Variants in ETV7 observed in about 807,000 individuals in gnomAD.
ETV7 encodes the protein ETS variant transcription factor 7, also known as transcription factor ETV7.
In ETV7, 43 loss-of-function variants were observed where a neutral mutation model predicts 39.1. That is an observed-to-expected ratio of 1.10 (90% CI 0.86 to 1.42). The LOEUF is 1.42. Ranked by LOEUF, ETV7 falls within the 40% of genes most tolerant of loss-of-function variation. The probability of loss-of-function intolerance (pLI) is 0.00; values close to 1 mark genes in which losing one functional copy is unlikely to be tolerated. For synonymous variants in ETV7, 196 were observed against 176.6 expected (o/e 1.11, Z -0.87); for missense variants, 432 against 442.3 (o/e 0.98, Z 0.21).
Position 36,366,915 on chromosome 6 carries a change from T to G in ETV7, c.868A>C (p.Asn290His). The change falls in exon 7 of 8, where the codon AAT (asparagine) becomes CAT (histidine). Residue 290 changes from asparagine to histidine, a missense_variant. Physicochemically the swap from Asn to His is moderately conservative, Grantham distance 68. Coordinates refer to ENST00000340181, the MANE Select transcript of ETV7 (RefSeq NM_016135.4). ...SRALRHYYKL[N>H]IIKKEPGQKL... is the part of the protein sequence containing the mutation. Reference sequence around the variant, plus strand: ...TGCCCCGGTTCCTTCTTAATGATATTAAGCTTATAATAGTGGCGCAGGGCA... The same window carrying G: ...TGCCCCGGTTCCTTCTTAATGATATGAAGCTTATAATAGTGGCGCAGGGCA... 6.2e-7 allele frequency: 1 copy of G among 1,613,998 alleles called. No individual in the cohort carries two copies. Among genetic ancestry groups the G allele is most frequent in the Non-Finnish European group, 8.5e-7 (1 of 1,179,990 alleles).
chr6:36,357,273 T>C (rs1772365741), intron 7 of ETV7, among the ~76,000 whole-genome samples: 1 of 152,098 alleles, frequency 6.6e-6, no homozygotes, highest in Non-Finnish European at 1.5e-5. Context: ...GCACAGAAGC[T>C]GCAGCCTTAA....
intron 7 of ETV7, among the ~76,000 whole-genome samples, chr6:36,357,444 C>T (rs1353539817): frequency 6.6e-6 from 1 of 152,152 alleles, no homozygotes; most frequent in Non-Finnish European, 1.5e-5. Context: ...CTCCTGGCCA[C>T]AGAGCAGGAT....
At chr6:36,361,103 C>T (rs981980157) in intron 7 of ETV7, among the ~76,000 whole-genome samples, 18 of 152,134 alleles carry the variant, frequency 1.2e-4, no homozygotes, top group African/African-American at 4.3e-4. Context: ...CAAAAGGATT[C>T]GGGACTTTAA....
At chr6:36,366,178 AT>A (rs1172079297), downstream of ETV7, 45 of 1,001,016 alleles carry the variant, frequency 4.5e-5, no homozygotes, top group Non-Finnish European at 5.2e-5. Context: ...TCTCAAAAAA[AT>A]AAAAGAAAGA....
At chr6:36,385,751 T>G in intron 1 of ETV7, 82 bp from the exon 2 acceptor site, 1 of 1,483,996 alleles carries the variant, frequency 6.7e-7, no homozygotes, top group Admixed American at 2.3e-5. Context: ...AAGAATTTTT[T>G]TGGAAGGGAA....
intron 7 of ETV7, among the ~76,000 whole-genome samples, chr6:36,360,410 A>G (rs1291474702): frequency 6.6e-6 from 1 of 152,192 alleles, no homozygotes; most frequent in Non-Finnish European, 1.5e-5. Context: ...CCTGTGGGTT[A>G]GGAGAGGAGG....
chr6:36,376,315 A>G (rs950017509), intron 2 of ETV7, among the ~76,000 whole-genome samples: 2 of 152,212 alleles, frequency 1.3e-5, no homozygotes, highest in African/African-American at 4.8e-5. Flanking sequence ...TTTTCCAATC[A>G]TTCATTCAAC....
At chr6:36,374,313 C>T (rs898770747) in intron 3 of ETV7, among the ~76,000 whole-genome samples, 3 of 151,784 alleles carry the variant, frequency 2.0e-5, no homozygotes, top group East Asian at 1.9e-4. Context: ...GCTGTGTTCA[C>T]GCCACCAAAC....
intron 3 of ETV7, 60 bp downstream of exon 3, chr6:36,375,811 T>C (rs1773297228): frequency 3.1e-6 from 5 of 1,610,940 alleles, no homozygotes; most frequent in Non-Finnish European, 4.2e-6. Context: ...CCGGGGGTAC[T>C]TGGGCCATCC....
At chr6:36,387,181 T>G (rs2127406432) in intron 1 of ETV7, among the ~76,000 whole-genome samples, 1 of 151,560 alleles carries the variant, frequency 6.6e-6, no homozygotes, top group East Asian at 1.9e-4. Flanking sequence ...CCTGCGAGAA[T>G]GCGTTCACCA....
At chr6:36,386,691 C>G (rs571148313) in intron 1 of ETV7, 1 of 152,278 alleles carries the variant, frequency 6.6e-6, no homozygotes, top group Non-Finnish European at 1.5e-5. Flanking sequence ...GCAAAGCAAA[C>G]TCCAGAAGCC....
intron 7 of ETV7, among the ~76,000 whole-genome samples, chr6:36,360,080 A>T (rs561338903): frequency 4.5e-4 from 68 of 152,204 alleles, no homozygotes; most frequent in African/African-American, 1.6e-3. Context: ...TTTAGTAGAG[A>T]CGGAGTTTCA....
chr6:36,385,850 C>G (rs1745886442), intron 1 of ETV7, among the ~76,000 whole-genome samples, 181 bp from the exon 2 acceptor site: 1 of 152,064 alleles, frequency 6.6e-6, no homozygotes, highest in Non-Finnish European at 1.5e-5. Flanking sequence ...CATTTTGTAC[C>G]CAGTGGACAC....
intron 2 of ETV7, among the ~76,000 whole-genome samples, chr6:36,376,646 T>C (rs556352334): frequency 1.1e-4 from 16 of 152,190 alleles, no homozygotes; most frequent in East Asian, 1.9e-4. Context: ...CATGGTGGCA[T>C]GCACCTGTAG....
chr6:36,358,349 C>G (rs904483564), intron 7 of ETV7, among the ~76,000 whole-genome samples: 3 of 152,254 alleles, frequency 2.0e-5, no homozygotes, highest in African/African-American at 7.2e-5. Flanking sequence ...GCTGCTGGCT[C>G]TAGTTCAGGT....
chr6:36,362,289 G>A (rs1321848366), downstream of ETV7, among the ~76,000 whole-genome samples: 5 of 150,954 alleles, frequency 3.3e-5, no homozygotes, highest in East Asian at 2.0e-4. Context: ...GTGAAAGAGC[G>A]AGACTCTGTC....
At chr6:36,369,686 G>T (rs1354034896) in intron 5 of ETV7, among the ~76,000 whole-genome samples, 2 of 152,246 alleles carry the variant, frequency 1.3e-5, no homozygotes, top group Admixed American at 6.5e-5. Flanking sequence ...CTTGTATGGG[G>T]TGGTGAGAGA....
chr6:36,383,995 G>C (rs1582226606), intron 2 of ETV7, among the ~76,000 whole-genome samples: 1 of 152,202 alleles, frequency 6.6e-6, no homozygotes, highest in Non-Finnish European at 1.5e-5. Flanking sequence ...AAATGCTGGA[G>C]AGCCAATACC....
chr6:36,365,138 A>C (rs1772670232), downstream of ETV7, among the ~76,000 whole-genome samples: 1 of 152,196 alleles, frequency 6.6e-6, no homozygotes, highest in African/African-American at 2.4e-5. Flanking sequence ...CTGAGAAAGA[A>C]GATATGAATC....
Sources: allele counts gnomAD v4.1 joint callset (sites outside exome capture counted in the v4.1 genomes callset), GRCh38; gene constraint gnomAD v4.1.1; transcripts MANE v1.5; gene names NCBI Gene and HGNC (gene_info 2026-07-23, HGNC 2026-07-21).